EBF1: variants seen among roughly 807,000 people sequenced by gnomAD.
The protein encoded by EBF1 is EBF transcription factor 1.
EBF1 carries 10 observed loss-of-function variants against 68.4 expected under a neutral mutation model. That is an observed-to-expected ratio of 0.15 (90% CI 0.09 to 0.25). The LOEUF is 0.25. Among genes scored for constraint, EBF1 ranks in the 10% least tolerant of loss-of-function variants. The pLI is 1.00. For synonymous variants in EBF1, 298 were observed against 299.8 expected (o/e 0.99, Z 0.06); for missense variants, 509 against 794.4 (o/e 0.64, Z 4.32).
chr5:159,081,727 T>C (rs1345657001), intron 5 of EBF1, among the ~76,000 whole-genome samples: 1 of 152,256 alleles, frequency 6.6e-6, no homozygotes, highest in African/African-American at 2.4e-5. Context: ...CTCTGGGAAC[T>C]AGGTTCACTG....
intron 7 of EBF1, among the ~76,000 whole-genome samples, chr5:158,834,868 G>A (rs1267429233): frequency 4.6e-5 from 7 of 152,188 alleles, no homozygotes; most frequent in Admixed American, 1.3e-4. Flanking sequence ...GGAAAGCAGC[G>A]GCAGTGACCA....
intron 6 of EBF1, among the ~76,000 whole-genome samples, chr5:158,898,086 G>T (rs1802520850): frequency 6.6e-6 from 1 of 152,108 alleles, no homozygotes; most frequent in Non-Finnish European, 1.5e-5. Flanking sequence ...CTAATCTCTT[G>T]CTATTTAAGA....
At chr5:159,008,566 G>C (rs1334503990) in intron 6 of EBF1, among the ~76,000 whole-genome samples, 1 of 148,286 alleles carries the variant, frequency 6.7e-6, no homozygotes, top group Non-Finnish European at 1.5e-5. Flanking sequence ...CTGTTATGAA[G>C]GCAGGCTGGA....
chr5:158,733,382 G>A (rs890363488), intron 10 of EBF1, among the ~76,000 whole-genome samples: 3 of 152,162 alleles, frequency 2.0e-5, no homozygotes, highest in African/African-American at 7.2e-5. Flanking sequence ...TTAGCATAAT[G>A]AATTCCTATT....
intron 6 of EBF1, among the ~76,000 whole-genome samples, chr5:158,995,883 A>T (rs1761311086): frequency 6.6e-6 from 1 of 152,198 alleles, no homozygotes; most frequent in Non-Finnish European, 1.5e-5. Flanking sequence ...CTCGCAATGC[A>T]ATTTTATCAC....
At position 158,708,076 on chromosome 5, in the gene EBF1, G is replaced by C; in HGVS notation, c.1647C>G (p.Val549=). 6.4e-7 allele frequency: 1 copy of C among 1,572,778 alleles called. No homozygotes were observed. Among genetic ancestry groups the C allele is most frequent in the Non-Finnish European group, 8.6e-7 (1 of 1,158,168 alleles). ...AAGCACTCTTCTGTTTCACGGCTGA[G>C]ACCATGTTGGCTGGTGAGAAGGAGA... ...GIFSFSPANM[V]SAVKQKSAFA... The change falls in exon 15 of 16, where the codon GTC becomes GTG. Residue 549 remains valine, a synonymous_variant. Coordinates refer to ENST00000313708, the MANE Select transcript of EBF1 (RefSeq NM_024007.5).
At chr5:158,794,005 T>A (rs1055469890) in intron 9 of EBF1, among the ~76,000 whole-genome samples, 1 of 152,176 alleles carries the variant, frequency 6.6e-6, no homozygotes, top group African/African-American at 2.4e-5. Context: ...AAGTCCTACA[T>A]CCAGGTACCC....
intron 6 of EBF1, among the ~76,000 whole-genome samples, chr5:158,969,807 AGAAAGAAAG>A (rs1755005729): frequency 6.7e-6 from 1 of 148,772 alleles, no homozygotes; most frequent in African/African-American, 2.5e-5. Flanking sequence ...AGAGAGAGAG[AGAAAGAAAG>A]GAAAGAAAGA....
At chr5:159,046,637 C>T (rs1772457571) in intron 6 of EBF1, among the ~76,000 whole-genome samples, 1 of 152,154 alleles carries the variant, frequency 6.6e-6, no homozygotes, top group Admixed American at 6.5e-5. Flanking sequence ...GAGTTGTACA[C>T]TCTGCTACAG....
intron 6 of EBF1, among the ~76,000 whole-genome samples, chr5:158,949,323 T>G (rs1815494887): frequency 6.6e-6 from 1 of 152,148 alleles, no homozygotes; most frequent in Non-Finnish European, 1.5e-5. Context: ...ATTCTTCTAG[T>G]TCCTTTAAAA....
At chr5:158,738,416 A>G (rs1235848620) in intron 10 of EBF1, among the ~76,000 whole-genome samples, 1 of 152,238 alleles carries the variant, frequency 6.6e-6, no homozygotes, top group Non-Finnish European at 1.5e-5. Context: ...GGTTACTTTC[A>G]AAGGCATCTG....
chr5:158,940,752 T>C (rs1253372232), intron 6 of EBF1, among the ~76,000 whole-genome samples: 39 of 12,420 alleles, frequency 3.1e-3, no homozygotes, highest in South Asian at 6.8e-3. Flanking sequence ...CTGCACCCCC[T>C]TCACCCCACC....
intron 4 of EBF1, among the ~76,000 whole-genome samples, chr5:159,089,848 G>C (rs1473344210): frequency 6.6e-6 from 1 of 151,510 alleles, no homozygotes; most frequent in East Asian, 1.9e-4. Flanking sequence ...AAAGAAAAAG[G>C]AAGAAAGGAA....
chr5:158,906,887 G>A (rs970051246), intron 6 of EBF1, among the ~76,000 whole-genome samples: 2 of 152,236 alleles, frequency 1.3e-5, no homozygotes, highest in Non-Finnish European at 2.9e-5. Flanking sequence ...TGACCAGGGA[G>A]ATAAGATGTA....
intron 8 of EBF1, among the ~76,000 whole-genome samples, chr5:158,819,302 C>A (rs369166499): frequency 1.3e-5 from 2 of 152,208 alleles, no homozygotes; most frequent in Non-Finnish European, 2.9e-5. Context: ...AATTTAGTCA[C>A]TTCTCCCGGC....
intron 6 of EBF1, among the ~76,000 whole-genome samples, chr5:158,900,355 T>G (rs1423069406): frequency 2.6e-5 from 4 of 152,204 alleles, no homozygotes; most frequent in Non-Finnish European, 1.5e-5. Context: ...CACTTTTTAC[T>G]ACTTTTTCCT....
chr5:159,034,779 G>A (rs570943556), intron 6 of EBF1, among the ~76,000 whole-genome samples: 12 of 152,062 alleles, frequency 7.9e-5, no homozygotes, highest in African/African-American at 2.9e-4. Flanking sequence ...TGGCCTCAAT[G>A]CAAGATTTCA....
chr5:158,817,440 T>C (rs1160451818), intron 8 of EBF1, among the ~76,000 whole-genome samples: 1 of 152,146 alleles, frequency 6.6e-6, no homozygotes, highest in East Asian at 1.9e-4. Flanking sequence ...GGGTTAGTTA[T>C]AAAAGTGAGC....
At chr5:158,745,909 T>C (rs1767457070) in intron 10 of EBF1, among the ~76,000 whole-genome samples, 1 of 152,176 alleles carries the variant, frequency 6.6e-6, no homozygotes, top group Admixed American at 6.5e-5. Context: ...CCATCCCAAG[T>C]GCTAGAGAGG....
Sources: allele counts gnomAD v4.1 joint callset (sites outside exome capture counted in the v4.1 genomes callset), GRCh38; gene constraint gnomAD v4.1.1; transcripts MANE v1.5; gene names NCBI Gene and HGNC (gene_info 2026-07-23, HGNC 2026-07-21).